Variants in FOCAD observed in about 807,000 individuals in gnomAD.
FOCAD encodes the protein focadhesin.
In FOCAD, 198 loss-of-function variants were observed where a neutral mutation model predicts 225.6. That is an observed-to-expected ratio of 0.88 (90% confidence interval 0.78 to 0.99). The LOEUF is 0.99. Among genes scored for constraint, FOCAD ranks in the 50% least tolerant of loss-of-function variants. FOCAD has a pLI of 0.00. For missense variants in FOCAD, 2,713 were observed against 2,123.6 expected, an observed-to-expected ratio of 1.28 and a Z score of -5.46; for synonymous variants, 897 against 755.0, an observed-to-expected ratio of 1.19 and a Z score of -3.08.
At chr9:20,663,061 T>G (rs1821782353) in intron 2 of FOCAD, among the ~76,000 whole-genome samples, 1 of 152,148 alleles carries the variant, frequency 6.6e-6, no homozygotes, top group African/African-American at 2.4e-5. Context: ...TTTTTACTTC[T>G]GATAATATCA....
intron 1 of FOCAD, among the ~76,000 whole-genome samples, chr9:20,712,777 G>C (rs1441193116): frequency 3.5e-5 from 4 of 115,016 alleles, no homozygotes; most frequent in Non-Finnish European, 6.6e-5. Context: ...CAGTCACCCA[G>C]CCTGGAGTGC....
At chr9:20,773,714 G>T (rs1818464491) in intron 8 of FOCAD, among the ~76,000 whole-genome samples, 1 of 152,130 alleles carries the variant, frequency 6.6e-6, no homozygotes, top group South Asian at 2.1e-4. Flanking sequence ...GTGTGTGTGT[G>T]ATCTTTTAAG....
At chr9:20,869,392 A>G (rs1227205479) in intron 18 of FOCAD, among the ~76,000 whole-genome samples, 1 of 152,202 alleles carries the variant, frequency 6.6e-6, no homozygotes, top group African/African-American at 2.4e-5. Flanking sequence ...TTTGTGAATT[A>G]TAATTCAGCT....
chr9:20,729,329 G>T lies in FOCAD; in HGVS notation c.287+8795G>T, dbSNP rs182672842. 2.4e-3 allele frequency among the ~76,000 whole-genome samples: 372 copies of T among 152,188 alleles called. 1 individual carries two copies. Among genetic ancestry groups the T allele is most frequent in the Non-Finnish European group, 3.4e-3 (230 of 68,006 alleles). ...CTTGCCTTGTGGCCTTGTAACTTCA[G>T]TCTCTGCCTCTGTATGCTCATGGCT... is the stretch of plus-strand genomic sequence containing the variant. On this transcript the variant is annotated intron_variant, in intron 4 of 43. Coordinates refer to ENST00000338382, the MANE Select transcript of FOCAD (RefSeq NM_001375567.1).
At chr9:20,690,052 T>C (rs973227098) in intron 1 of FOCAD, among the ~76,000 whole-genome samples, 3 of 152,182 alleles carry the variant, frequency 2.0e-5, no homozygotes, top group Non-Finnish European at 4.4e-5. Flanking sequence ...TAGGAAGTTA[T>C]GTTGAGTATT....
At chr9:20,764,828 G>T in intron 6 of FOCAD, 41 bp from the exon 7 acceptor site, 1 of 1,519,498 alleles carries the variant, frequency 6.6e-7, no homozygotes. Context: ...TTGATAGTGT[G>T]TTTAACTCAA....
chr9:20,666,041 C>T (rs1821891774), intron 2 of FOCAD, among the ~76,000 whole-genome samples: 1 of 152,062 alleles, frequency 6.6e-6, no homozygotes, highest in South Asian at 2.1e-4. Context: ...ATAACAGGCA[C>T]CCGCCACCAC....
chr9:20,749,057 A>G (rs932241170), intron 5 of FOCAD, among the ~76,000 whole-genome samples: 1 of 152,052 alleles, frequency 6.6e-6, no homozygotes, highest in African/African-American at 2.4e-5. Context: ...ACACAACTTA[A>G]TGAAAGGAAG....
intron 15 of FOCAD, among the ~76,000 whole-genome samples, chr9:20,858,996 G>A (rs763277421): frequency 2.6e-5 from 4 of 151,550 alleles, no homozygotes; most frequent in Admixed American, 6.6e-5. Flanking sequence ...TTGTTTTGTG[G>A]TCTATCATAT....
intron 15 of FOCAD, among the ~76,000 whole-genome samples, chr9:20,837,295 C>A (rs916137432): frequency 6.6e-6 from 1 of 151,946 alleles, no homozygotes; most frequent in Non-Finnish European, 1.5e-5. Context: ...GGTGTCCAGC[C>A]GTGAGTTTCC....
intron 21 of FOCAD, among the ~76,000 whole-genome samples, chr9:20,905,527 T>C (rs930538147): frequency 6.6e-6 from 1 of 152,054 alleles, no homozygotes; most frequent in Admixed American, 6.6e-5. Context: ...ATTTTAAGCT[T>C]GTAAAGTAAG....
chr9:20,748,495 A>G (rs560544760), intron 5 of FOCAD, among the ~76,000 whole-genome samples: 1 of 152,250 alleles, frequency 6.6e-6, no homozygotes, highest in East Asian at 1.9e-4. Flanking sequence ...ACATGCATAT[A>G]TACTAAAAAT....
chr9:20,945,295 T>C (rs1047005828), intron 29 of FOCAD, among the ~76,000 whole-genome samples: 2 of 152,214 alleles, frequency 1.3e-5, no homozygotes, highest in Non-Finnish European at 2.9e-5. Context: ...TCATGGGTGT[T>C]AACCATGTTT....
At chr9:20,936,024 G>A (rs1190609529) in intron 28 of FOCAD, among the ~76,000 whole-genome samples, 2 of 152,196 alleles carry the variant, frequency 1.3e-5, no homozygotes, top group African/African-American at 4.8e-5. Flanking sequence ...GTTTCAGTTA[G>A]TCTGTGTGAC....
intron 24 of FOCAD, among the ~76,000 whole-genome samples, chr9:20,917,731 T>C (rs1833993008): frequency 1.3e-5 from 2 of 152,160 alleles, no homozygotes; most frequent in Non-Finnish European, 2.9e-5. Flanking sequence ...AAATTTTTAA[T>C]TGTAGTATAG....
intron 20 of FOCAD, 77 bp downstream of exon 20, chr9:20,882,133 T>G (rs1830722219): frequency 6.8e-6 from 9 of 1,317,032 alleles, no homozygotes; most frequent in Admixed American, 2.1e-5. Context: ...TAGGATATAA[T>G]GGGCCATGGC....
At chr9:20,979,474 G>A (rs1027503404) in intron 37 of FOCAD, among the ~76,000 whole-genome samples, 1 of 152,112 alleles carries the variant, frequency 6.6e-6, no homozygotes, top group African/African-American at 2.4e-5. Flanking sequence ...AAGTAGCTGG[G>A]ACTATAGGTG....
intron 5 of FOCAD, among the ~76,000 whole-genome samples, chr9:20,747,412 C>T (rs1455704223): frequency 1.3e-5 from 2 of 152,048 alleles, no homozygotes; most frequent in Admixed American, 6.6e-5. Flanking sequence ...TGAGTTAAGT[C>T]TGAAATATTT....
Position 20,873,764 on chromosome 9 carries a change from G to A in FOCAD, c.2191-917G>A, listed in dbSNP as rs558951653. The A allele has an allele frequency of 2.0e-5, 3 of 152,276 alleles. No individual in the cohort carries two copies. In the South Asian group the frequency reaches 6.2e-4, roughly 32 times the overall value. The allele number at this position is 152,276 out of a possible 1,614,324, so 9.4% of individuals were successfully genotyped here. A position where few individuals can be genotyped will look rare whatever the true frequency, so the allele number is the denominator to read the frequency against. ...GTCAGTGCACTTCCTAAATGGAACAGTGCTTTGGGGACCTATGAAGAAGGC... is the reference window on the plus strand; with the variant it reads ...GTCAGTGCACTTCCTAAATGGAACAATGCTTTGGGGACCTATGAAGAAGGC... On this transcript the variant is annotated intron_variant, in intron 18 of 43. Coordinates refer to ENST00000338382, the MANE Select transcript of FOCAD (RefSeq NM_001375567.1).
Sources: allele counts gnomAD v4.1 joint callset (sites outside exome capture counted in the v4.1 genomes callset), GRCh38; gene constraint gnomAD v4.1.1; transcripts MANE v1.5; gene names NCBI Gene and HGNC (gene_info 2026-07-23, HGNC 2026-07-21).